NRG3: variants seen among roughly 807,000 people sequenced by gnomAD.
The protein encoded by NRG3 is pro-neuregulin-3, membrane-bound isoform.
NRG3 carries 31 observed loss-of-function variants against 66.9 expected under a neutral mutation model. The ratio of observed to expected loss-of-function variants is 0.46; its 90% CI spans 0.35 to 0.63. The LOEUF is 0.63. Ranked by LOEUF, NRG3 falls within the 20% of genes least tolerant of loss-of-function variation. NRG3 has a pLI of 0.00. For synonymous variants in NRG3, 393 were observed against 359.4 expected, an observed-to-expected ratio of 1.09 and a Z score of -1.06; for missense variants, 910 against 878.9, an observed-to-expected ratio of 1.04 and a Z score of -0.45.
At chr10:82,232,741 G>T (rs2076547028) in intron 1 of NRG3, 1 of 717,078 alleles carries the variant, frequency 1.4e-6, no homozygotes, top group African/African-American at 1.7e-5. Context: ...TCTACTCACA[G>T]GTCCTAGAGA....
intron 1 of NRG3, among the ~76,000 whole-genome samples, chr10:82,009,206 A>G (rs1011765706): frequency 5.0e-4 from 76 of 152,336 alleles, no homozygotes; most frequent in African/African-American, 1.8e-3. Context: ...AAAAAGTACT[A>G]TAGAAATTTC....
chr10:82,536,538 A>AT (rs201301845), intron 2 of NRG3, among the ~76,000 whole-genome samples: 1,616 of 151,904 alleles, frequency 0.011, 15 homozygotes, highest in Non-Finnish European at 0.017. Context: ...GGTTATGGTA[A>AT]TTTTTTTTGT....
intron 1 of NRG3, among the ~76,000 whole-genome samples, chr10:82,309,384 A>T (rs879944850): frequency 3.9e-5 from 6 of 152,080 alleles, no homozygotes; most frequent in South Asian, 2.1e-4. Context: ...CACTTGTAGT[A>T]TTTCAAAGTC....
intron 3 of NRG3, among the ~76,000 whole-genome samples, chr10:82,793,427 T>C (rs2060670385): frequency 6.6e-6 from 1 of 152,156 alleles, no homozygotes; most frequent in African/African-American, 2.4e-5. Flanking sequence ...AAGCATCTTA[T>C]TGTCTCATTT....
chr10:82,205,725 G>A (rs2075086107), intron 1 of NRG3, among the ~76,000 whole-genome samples: 1 of 151,996 alleles, frequency 6.6e-6, no homozygotes, highest in Admixed American at 6.6e-5. Flanking sequence ...GTGCAAAGAG[G>A]GCATGCATTT....
At chr10:82,493,488 C>G (rs1444066558) in intron 2 of NRG3, among the ~76,000 whole-genome samples, 1 of 152,116 alleles carries the variant, frequency 6.6e-6, no homozygotes, top group Non-Finnish European at 1.5e-5. Context: ...GCATAGTATT[C>G]CATGGTGTAT....
chr10:82,755,514 G>A (rs2134993945), intron 3 of NRG3, among the ~76,000 whole-genome samples: 1 of 152,148 alleles, frequency 6.6e-6, no homozygotes. Flanking sequence ...CCTATTTCTA[G>A]CTGAAGCTTA....
chr10:82,831,008 T>C (rs1236008383), intron 3 of NRG3, among the ~76,000 whole-genome samples: 1 of 152,230 alleles, frequency 6.6e-6, no homozygotes, highest in Non-Finnish European at 1.5e-5. Context: ...TGAATGCCTT[T>C]ATGTTAGTCA....
chr10:82,262,656 A>T (rs1176982367), intron 1 of NRG3, among the ~76,000 whole-genome samples: 1 of 152,134 alleles, frequency 6.6e-6, no homozygotes, highest in Non-Finnish European at 1.5e-5. Flanking sequence ...TCCTTACTTG[A>T]TGCTGTTTGT....
chr10:82,227,463 A>G (rs2076223652), intron 1 of NRG3, among the ~76,000 whole-genome samples: 2 of 152,006 alleles, frequency 1.3e-5, no homozygotes, highest in African/African-American at 2.4e-5. Flanking sequence ...TAAGGGAAAA[A>G]ACTTAAAGGG....
intron 2 of NRG3, among the ~76,000 whole-genome samples, chr10:82,713,592 T>C (rs1296303032): frequency 6.6e-6 from 1 of 152,204 alleles, no homozygotes; most frequent in African/African-American, 2.4e-5. Context: ...GTTCTCCTAA[T>C]GCACTGGGTG....
At chr10:82,824,424 A>G (rs182722039) in intron 3 of NRG3, among the ~76,000 whole-genome samples, 2 of 152,300 alleles carry the variant, frequency 1.3e-5, no homozygotes, top group Admixed American at 1.3e-4. Flanking sequence ...CTTTATGTTA[A>G]ACATATTGAA....
chr10:81,903,866 A>C (rs923317741), intron 1 of NRG3, among the ~76,000 whole-genome samples: 1 of 152,062 alleles, frequency 6.6e-6, no homozygotes, highest in East Asian at 1.9e-4. Context: ...CCTCACTCTA[A>C]ATTTTTACAG....
At chr10:81,898,979 AATT>A (rs1276903540) in intron 1 of NRG3, among the ~76,000 whole-genome samples, 1 of 152,110 alleles carries the variant, frequency 6.6e-6, no homozygotes, top group Admixed American at 6.6e-5. Flanking sequence ...AATTTTCTTA[AATT>A]TTTCATTTAC....
At chr10:82,892,368 G>T (rs79318538) in intron 4 of NRG3, among the ~76,000 whole-genome samples, 7,081 of 152,092 alleles carry the variant, frequency 0.047, 209 homozygotes, top group Middle Eastern at 0.1. Context: ...ACACATAAAA[G>T]GATGTTAGAA....
chr10:82,234,231 T>C lies in NRG3; in HGVS notation c.824-124508T>C, dbSNP rs1306833118. ...TCTCCCCCAACTCACTACGCTCCAA[T>C]ACCAATGGTCTTTTATCAGTTTCTG... On this transcript the variant is annotated intron_variant, in intron 1 of 8. Transcript: ENST00000372141. 2.0e-5 allele frequency among the ~76,000 whole-genome samples: 3 copies of C among 152,318 alleles called. No individual in the cohort carries two copies. The East Asian group carries it at 5.8e-4, about 29-fold the overall frequency.
chr10:82,392,268 T>C (rs2086427818), intron 2 of NRG3, among the ~76,000 whole-genome samples: 1 of 152,160 alleles, frequency 6.6e-6, no homozygotes, highest in Non-Finnish European at 1.5e-5. Flanking sequence ...AGAAATAATA[T>C]GCCAAAATGC....
intron 2 of NRG3, among the ~76,000 whole-genome samples, chr10:82,530,997 A>G (rs1401941806): frequency 1.3e-5 from 2 of 151,876 alleles, no homozygotes; most frequent in African/African-American, 4.8e-5. Flanking sequence ...AAATTGAAGT[A>G]AAAATGTATT....
At chr10:82,089,751 ATAT>A (rs893030189) in intron 1 of NRG3, among the ~76,000 whole-genome samples, 3 of 152,190 alleles carry the variant, frequency 2.0e-5, no homozygotes, top group African/African-American at 7.2e-5. Context: ...TTGTAAAAAG[ATAT>A]TATGCAAAGT....
Sources: allele counts gnomAD v4.1 joint callset (sites outside exome capture counted in the v4.1 genomes callset), GRCh38; gene constraint gnomAD v4.1.1; transcripts MANE v1.5; gene names NCBI Gene and HGNC (gene_info 2026-07-23, HGNC 2026-07-21).